The following ADGRE5 variants were observed in gnomAD, a reference collection of about 807,000 sequenced individuals.
ADGRE5 encodes CD97 molecule.
ADGRE5 carries 72 observed loss-of-function variants against 100.3 expected under a neutral mutation model. The observed-to-expected ratio is 0.72, with a 90% confidence interval of 0.59 to 0.87. The LOEUF is 0.87. ADGRE5 is among the 40% of genes least tolerant of loss of function. The pLI, the probability that ADGRE5 is intolerant of heterozygous loss-of-function variation, is 0.00. For synonymous variants in ADGRE5, 439 were observed against 447.8 expected (o/e 0.98, Z 0.25); for missense variants, 959 against 1,094.7 (o/e 0.88, Z 1.75).
chr19:14,392,085 CAG>C (rs1975619734), intron 4 of ADGRE5, among the ~76,000 whole-genome samples: 1 of 125,760 alleles, frequency 8.0e-6, no homozygotes, highest in African/African-American at 3.1e-5. Context: ...GCCTGGGTGA[CAG>C]AGTGAGACTC....
chr19:14,381,959 T>A (rs925909528), intron 1 of ADGRE5, among the ~76,000 whole-genome samples: 1 of 152,134 alleles, frequency 6.6e-6, no homozygotes, highest in Non-Finnish European at 1.5e-5. Context: ...ACTTCTCCAC[T>A]GCAAGGTACC....
Position 14,397,312 on chromosome 19 carries a change from G to A in ADGRE5, c.625+89G>A, listed in dbSNP as rs190995220. The stretch of plus-strand genomic sequence containing the variant: ...CCCACACAAACCAAGCAGAATGAGC[G>A]CTGGAGGCACCTGGCTGTGCCAGGC... On this transcript the variant is annotated intron_variant, in intron 6 of 19. Transcript: ENST00000242786. The A allele has an allele frequency of 1.1e-5, 17 of 1,587,458 alleles. No homozygotes were observed. The East Asian group carries it at 2.2e-4, about 21-fold the overall frequency.
chr19:14,390,796 G>C lies in ADGRE5; in HGVS notation c.191-128G>C. The C allele has an allele frequency of 3.5e-6, 4 of 1,138,438 alleles. No homozygotes were observed. The South Asian group carries it at 4.5e-5, about 13-fold the overall frequency. 70.5% of individuals were successfully genotyped at this position (1,138,438 alleles called of 1,614,324 possible). A position where few individuals can be genotyped will look rare whatever the true frequency, so the allele number is the denominator to read the frequency against. On this transcript the variant is annotated intron_variant, in intron 3 of 19. Transcript: ENST00000242786. ...CTCCAGCTGCAGCATAGCCTGTGCA[G>C]TGCAACTTAAGATTTTTTCCAAAAG...
At chr19:14,395,373 CG>C (rs1975740413) in intron 4 of ADGRE5, among the ~76,000 whole-genome samples, 1 of 152,058 alleles carries the variant, frequency 6.6e-6, no homozygotes, top group Non-Finnish European at 1.5e-5. Context: ...CTGGACTAGC[CG>C]GCAAGAGACA....
In ADGRE5 at chr19:14,404,690, T is replaced by C. The variant is rs954389453; in HGVS notation, c.1629+128T>C. On this transcript the variant is annotated intron_variant, in intron 13 of 19. Transcript: ENST00000242786. ...TATCTGCATGGTTGCACAGCCCAGG[T>C]GTCCCCACGTCACACCCTTCGCAGC... 14 of 857,020 alleles carry C rather than the reference T, an allele frequency of 1.6e-5. No individual in the cohort carries two copies. The African/African-American group carries it at 1.7e-4, about 11-fold the overall frequency. 53.1% of individuals were successfully genotyped at this position (857,020 alleles called of 1,614,324 possible).
intron 8 of ADGRE5, 40 bp from the exon 9 acceptor site, chr19:14,398,022 C>G: frequency 6.3e-7 from 1 of 1,598,446 alleles, no homozygotes; most frequent in Middle Eastern, 1.7e-4. Flanking sequence ...TCCCACCCGC[C>G]GTCCAGGCTC....
chr19:14,397,153 G>A lies in ADGRE5; in HGVS notation c.555G>A (p.Gln185=). Residue 185 remains glutamine, a synonymous_variant, in exon 6 of 20, where the codon CAG becomes CAA. Transcript: ENST00000242786. Reference sequence around the variant, plus strand: ...GCCTCAACAACGTGGGCAGCTATCAGTGCCGCTGCCGCCCGGGCTGGCAAC... The same window carrying A: ...GCCTCAACAACGTGGGCAGCTATCAATGCCGCTGCCGCCCGGGCTGGCAAC... ...THCLNNVGSY[Q]CRCRPGWQPI... is the part of the protein sequence containing the mutation. The A allele has an allele frequency of 6.2e-7, 1 of 1,614,116 alleles. No homozygotes were observed. Among genetic ancestry groups the A allele is most frequent in the South Asian group, 1.1e-5 (1 of 91,072 alleles).
rs1285054086 is a variant in ADGRE5, at chr19:14,406,403, C to T, written c.1894C>T (p.Leu632Phe). Reference sequence around the variant, plus strand: ...CCTGGCCGCCTTCTGCTGGATGAGCCTCGAAGGCCTGGAGCTCTACTTTCT... The same window carrying T: ...CCTGGCCGCCTTCTGCTGGATGAGCTTCGAAGGCCTGGAGCTCTACTTTCT... ...CFLAAFCWMS[L>F]EGLELYFLVV... The change falls in exon 15 of 20, where the codon CTC becomes TTC. Residue 632 changes from leucine to phenylalanine, a missense_variant. Physicochemically the swap from Leu to Phe is conservative, Grantham distance 22 (BLOSUM62 0). This residue lies in a region of ADGRE5 where 428 missense variants were observed against 386.2 expected (regional missense o/e 1.11). Transcript: ENST00000242786. The surrounding 1 kb of genome is among the most constrained non-coding windows in gnomAD (Gnocchi z 6.0). 5 of 1,593,024 alleles carry T rather than the reference C, an allele frequency of 3.1e-6. No individual in the cohort carries two copies. Among genetic ancestry groups the T allele is most frequent in the Non-Finnish European group, 4.3e-6 (5 of 1,170,462 alleles).
intron 1 of ADGRE5, among the ~76,000 whole-genome samples, chr19:14,382,709 A>T (rs919293274): frequency 1.2e-4 from 17 of 141,142 alleles, no homozygotes; most frequent in Admixed American, 2.1e-4. Flanking sequence ...CCAAAAACAA[A>T]TTTTTTTTTT....
At position 14,390,968 on chromosome 19, in the gene ADGRE5, T is replaced by A; in HGVS notation, c.235T>A (p.Phe79Ile). 6.2e-7 allele frequency: 1 copy of A among 1,614,148 alleles called. No homozygotes were observed. The highest frequency in any genetic ancestry group is 8.5e-7 in the Non-Finnish European group (1 of 1,180,032). Residue 79 changes from phenylalanine (F) to isoleucine (I), a missense_variant, in exon 4 of 20, where the codon TTC becomes ATC. Physicochemically the swap from Phe to Ile is conservative, Grantham distance 21. Transcript: ENST00000242786. Reference protein sequence around the residue: ...ATPSKVSCGKFSDCWNTEGSY... With the variant: ...ATPSKVSCGKISDCWNTEGSY... Reference sequence around the variant, plus strand: ...ACCGTCGAAAGTGTCATGCGGAAAATTCTCGGACTGCTGGAACACAGAGGG... The same window carrying A: ...ACCGTCGAAAGTGTCATGCGGAAAAATCTCGGACTGCTGGAACACAGAGGG...
chr19:14,401,234 C>G lies in ADGRE5; in HGVS notation c.898-152C>G, dbSNP rs185672819. 1 of 651,966 alleles carries G rather than the reference C, an allele frequency of 1.5e-6. No individual in the cohort carries two copies. The highest frequency in any genetic ancestry group is 1.8e-5 in the African/African-American group (1 of 54,604). The allele number at this position is 651,966 out of a possible 1,614,324, so 40.4% of individuals were successfully genotyped here. A position where few individuals can be genotyped will look rare whatever the true frequency, so the allele number is the denominator to read the frequency against. ...CGTGCATGCAGGCAAATACTCAATC[C>G]GTCGCTTGTTTTCTGGTTACTGCAT... On this transcript the variant is annotated intron_variant, in intron 9 of 19. Transcript: ENST00000242786. The surrounding 1 kb of genome is among the most constrained non-coding windows in gnomAD (Gnocchi z 4.1).
intron 11 of ADGRE5, among the ~76,000 whole-genome samples, chr19:14,402,037 G>C (rs78702495): frequency 6.6e-6 from 1 of 151,892 alleles, no homozygotes; most frequent in Non-Finnish European, 1.5e-5. Context: ...AGGCTGAAGC[G>C]AGAGGATCAA....
At chr19:14,400,783 CTT>C (rs1287637919) in intron 9 of ADGRE5, among the ~76,000 whole-genome samples, 1 of 151,918 alleles carries the variant, frequency 6.6e-6, no homozygotes, top group Admixed American at 6.6e-5. Context: ...CAGAGTGAGA[CTT>C]AGTCTCAGAT....
rs1039800838 is a variant in ADGRE5 at position 14,406,682 on chromosome 19, C to T, written c.2049-18C>T. ...TGGCTTCCTGGGGCACTGATGGGAC[C>T]CCTCCCTTCCCTCCTAGCTGCTGGT... On this transcript the variant is annotated intron_variant, in intron 15 of 19. Transcript: ENST00000242786. This position sits in a 1 kb window ranked among gnomAD's most constrained non-coding sequence, Gnocchi z 6.0. The T allele has an allele frequency of 1.2e-6, 2 of 1,613,580 alleles. No individual in the cohort carries two copies. The highest frequency in any genetic ancestry group is 8.5e-7 in the Non-Finnish European group (1 of 1,179,534).
chr19:14,387,763 A>G (rs908782747), intron 1 of ADGRE5, among the ~76,000 whole-genome samples: 4 of 150,976 alleles, frequency 2.6e-5, no homozygotes, highest in Non-Finnish European at 5.9e-5. Flanking sequence ...TTGGCCTGGC[A>G]TGATAAATTA....
intron 6 of ADGRE5, 30 bp downstream of exon 6, chr19:14,397,253 G>A (rs375453281): frequency 3.6e-4 from 573 of 1,613,828 alleles, no homozygotes; most frequent in Middle Eastern, 9.9e-4. Flanking sequence ...CGTTTCTAGC[G>A]ACCCACAAAC....
At chr19:14,393,458 G>A (rs1252560440) in intron 4 of ADGRE5, among the ~76,000 whole-genome samples, 2 of 152,228 alleles carry the variant, frequency 1.3e-5, no homozygotes, top group African/African-American at 4.8e-5. Flanking sequence ...AGGGAAGCTG[G>A]TTGGGCAGGG....
chr19:14,388,340 G>A (rs1975433938), intron 1 of ADGRE5, 110 bp from the exon 2 acceptor site: 1 of 1,534,260 alleles, frequency 6.5e-7, no homozygotes, highest in Admixed American at 2.0e-5. Context: ...CGACCGTCAG[G>A]ATCTGAGCCT....
intron 4 of ADGRE5, among the ~76,000 whole-genome samples, chr19:14,395,007 A>T (rs1426539812): frequency 6.6e-6 from 1 of 152,130 alleles, no homozygotes; most frequent in Admixed American, 6.5e-5. Context: ...GACCCCACAA[A>T]TGGATTCAGA....
Sources: allele counts gnomAD v4.1 joint callset (sites outside exome capture counted in the v4.1 genomes callset), GRCh38; gene constraint gnomAD v4.1.1; regional missense constraint gnomAD v4.1.1; non-coding constraint Gnocchi (gnomAD v3.1); transcripts MANE v1.5; gene names NCBI Gene and HGNC (gene_info 2026-07-23, HGNC 2026-07-21).